CD163L1: variants seen among roughly 807,000 people sequenced by gnomAD.
CD163L1 encodes the protein CD163 molecule like 1.
CD163L1 carries 124 observed loss-of-function variants against 165.4 expected under a neutral mutation model. The observed-to-expected ratio is 0.75, with a 90% CI of 0.65 to 0.87. CD163L1 has a LOEUF of 0.87. CD163L1 is among the 40% of genes least tolerant of loss of function. The probability of loss-of-function intolerance (pLI) is 0.00; values close to 1 mark genes in which losing one functional copy is unlikely to be tolerated. For missense variants in CD163L1, 1,525 were observed against 1,799.9 expected, an observed-to-expected ratio of 0.85 and a Z score of 2.76; for synonymous variants, 585 against 662.2, an observed-to-expected ratio of 0.88 and a Z score of 1.79.
At chr12:7,324,541 G>T in the CD163L1 span, 1 of 1,613,970 alleles carries the variant, frequency 6.2e-7, no homozygotes, top group Non-Finnish European at 8.5e-7. Context: ...CACTCATTGA[G>T]CATCCAGCAG....
At position 7,369,045 on chromosome 12, in the gene CD163L1, CG is replaced by C; in HGVS notation, c.4040-81del. On this transcript the variant is annotated intron_variant, in intron 15 of 19. Transcript: ENST00000313599. This position sits in a 1 kb window ranked among gnomAD's most constrained non-coding sequence, Gnocchi z 4.9. Reference sequence around the variant, plus strand: ...TTCTTTTTACATCTCCTGCGATTATCGGATGTCATTTAAATATCCTTTTAAC... The same window carrying C: ...TTCTTTTTACATCTCCTGCGATTATCGATGTCATTTAAATATCCTTTTAAC... 7 of 1,426,062 alleles carry C rather than the reference CG, an allele frequency of 4.9e-6. No homozygotes were observed. The highest frequency in any genetic ancestry group is 1.9e-4 in the Middle Eastern group (1 of 5,388). 88.3% of individuals were successfully genotyped at this position (1,426,062 alleles called of 1,614,324 possible). A position where few individuals can be genotyped will look rare whatever the true frequency, so the allele number is the denominator to read the frequency against.
At chr12:7,402,336 ATATTTC>A (rs1230290103) in intron 6 of CD163L1, among the ~76,000 whole-genome samples, 1 of 152,086 alleles carries the variant, frequency 6.6e-6, no homozygotes, top group African/African-American at 2.4e-5. Context: ...TGCATTATTT[ATATTTC>A]TATCTTTCCA....
At position 7,406,722 on chromosome 12, in the gene CD163L1, TACG is replaced by T. The variant is rs759445488; in HGVS notation, c.894_896del (p.Val299del). 1.2e-6 allele frequency: 2 copies of T among 1,614,096 alleles called. No homozygotes were observed. Among genetic ancestry groups the T allele is most frequent in the South Asian group, 2.2e-5 (2 of 91,074 alleles). On this transcript the variant is annotated inframe_deletion, in exon 5 of 20. Transcript: ENST00000313599. ...CGGTTCCACATCCCAACTGCTTGCA[TACG>T]ACATCAGCTGCAGCATTGTTCCACT...
chr12:7,348,277 C>T (rs1433959227), intron 4 of CD163L1, among the ~76,000 whole-genome samples: 1 of 152,142 alleles, frequency 6.6e-6, no homozygotes, highest in African/African-American at 2.4e-5. Flanking sequence ...CACAACTGTT[C>T]ATTGGTGAGA....
the CD163L1 span, among the ~76,000 whole-genome samples, chr12:7,326,359 T>G: frequency 6.6e-6 from 1 of 152,174 alleles, no homozygotes; most frequent in Non-Finnish European, 1.5e-5. Flanking sequence ...TGTGCACAAC[T>G]GCACCCTGGT....
chr12:7,361,707 A>G (rs1946896238), intron 18 of CD163L1, among the ~76,000 whole-genome samples: 1 of 152,174 alleles, frequency 6.6e-6, no homozygotes. Flanking sequence ...AAAATTTACC[A>G]TCACGATCAC....
chr12:7,322,518 G>A, the CD163L1 span: 3 of 1,613,738 alleles, frequency 1.9e-6, no homozygotes, highest in Non-Finnish European at 2.5e-6. Flanking sequence ...GGAGCTATAT[G>A]AGGGCTATGG....
chr12:7,376,845 T>G (rs1288531357), intron 9 of CD163L1, among the ~76,000 whole-genome samples: 5 of 152,182 alleles, frequency 3.3e-5, no homozygotes, highest in Non-Finnish European at 7.4e-5. Context: ...CTATAATAGA[T>G]TCCTACAGAT....
In CD163L1 at chr12:7,372,514, T is replaced by C. The variant is rs934588647; in HGVS notation, c.3730+806A>G. On this transcript the variant is annotated intron_variant, in intron 14 of 19. Coordinates refer to ENST00000313599, the MANE Select transcript of CD163L1 (RefSeq NM_174941.6). This position sits in a 1 kb window ranked among gnomAD's most constrained non-coding sequence, Gnocchi z 4.2. ...TTATTTATGTTCACATGATAAAATATTGTATGCCATTTGAAGGCTATTCAT... is the reference window on the plus strand; with the variant it reads ...TTATTTATGTTCACATGATAAAATACTGTATGCCATTTGAAGGCTATTCAT... Among the ~76,000 whole-genome samples, 1 of 152,014 alleles carries C rather than the reference T, an allele frequency of 6.6e-6. No homozygotes were observed. Among genetic ancestry groups the C allele is most frequent in the African/African-American group, 2.4e-5 (1 of 41,426 alleles).
intron 14 of CD163L1, among the ~76,000 whole-genome samples, chr12:7,371,487 G>A (rs377227689): frequency 4.6e-4 from 70 of 152,018 alleles, no homozygotes; most frequent in African/African-American, 1.3e-3. Flanking sequence ...TAAAAAGAGC[G>A]CTAAATAAGA....
chr12:7,439,467 C>G, intron 2 of CD163L1: 1 of 1,582,980 alleles, frequency 6.3e-7, no homozygotes, highest in Non-Finnish European at 8.5e-7. Context: ...GCTTCCCGGC[C>G]TTTGCTTTTT....
In CD163L1 at chr12:7,433,938, G is replaced by A. The variant is rs1051591805; in HGVS notation, c.125-244C>T. 2.4e-4 allele frequency among the ~76,000 whole-genome samples: 36 copies of A among 152,146 alleles called. 1 individual carries two copies. The highest frequency in any genetic ancestry group is 1.9e-4 in the Non-Finnish European group (13 of 68,010). ...AATGTGAAAATTAAAAGAAGGGAAA[G>A]AATTTTTTCTTTCTATGCAATTCCC... is the stretch of plus-strand genomic sequence containing the variant. On this transcript the variant is annotated intron_variant, in intron 2 of 19. Transcript: ENST00000313599.
downstream of CD163L1, among the ~76,000 whole-genome samples, chr12:7,343,640 A>C (rs1054149072): frequency 1.3e-5 from 2 of 152,190 alleles, no homozygotes; most frequent in Admixed American, 6.5e-5. Flanking sequence ...CACTATCCTG[A>C]GGATAGCAGC....
chr12:7,364,621 CAGT>C (rs1946974302), intron 18 of CD163L1, among the ~76,000 whole-genome samples: 1 of 152,064 alleles, frequency 6.6e-6, no homozygotes, highest in South Asian at 2.1e-4. Context: ...ATATAAAAAT[CAGT>C]AGCATTTATA....
rs770018655 is a variant in CD163L1 at position 7,368,149 on chromosome 12, A to G, written c.4121T>C (p.Val1374Ala). ...LSSIFGLLLL[V>A]LFILFLTWCR... is the part of the protein sequence containing the mutation. ...CCACGTGAGAAATAGAATAAACAGA[A>G]CCAGGAGAAGGAGCCCAAAGATACT... Residue 1374 changes from valine to alanine, a missense_variant, in exon 17 of 20, where the codon GTT becomes GCT. Val to Ala is a moderately conservative substitution (Grantham distance 64, BLOSUM62 0). Transcript: ENST00000313599. The surrounding 1 kb of genome is among the most constrained non-coding windows in gnomAD (Gnocchi z 4.3). 5 of 1,612,916 alleles carry G rather than the reference A, an allele frequency of 3.1e-6. No homozygotes were observed. The Admixed American group carries it at 8.3e-5, about 27-fold the overall frequency.
chr12:7,354,320 G>A (rs1318376936), downstream of CD163L1, among the ~76,000 whole-genome samples: 6 of 151,798 alleles, frequency 4.0e-5, no homozygotes, highest in Non-Finnish European at 1.5e-5. Flanking sequence ...ATTCCTATAG[G>A]AACAACAATA....
chr12:7,441,198 G>C lies in CD163L1; in HGVS notation c.80C>G (p.Thr27Ser). The change falls in exon 2 of 20, where the codon ACT becomes AGT. Residue 27 changes from threonine (T) to serine (S), a missense_variant. By Grantham distance (58) the Thr-to-Ser change is moderately conservative. Coordinates refer to ENST00000313599, the MANE Select transcript of CD163L1 (RefSeq NM_174941.6). ...GCAGGAATTCAGGAGCAGGATGCAA[G>C]TTACCACAGCAGAGAAAAGGTTCTG... ...CHQNLFSAVV[T>S]CILLLNSCFL... 3 of 1,614,102 alleles carry C rather than the reference G, an allele frequency of 1.9e-6. No individual in the cohort carries two copies. Among genetic ancestry groups the C allele is most frequent in the Non-Finnish European group, 2.5e-6 (3 of 1,179,994 alleles).
Position 7,441,241 on chromosome 12 carries a change from C to G in CD163L1, c.37G>C (p.Gly13Arg), listed in dbSNP as rs1565822488. The change falls in exon 2 of 20, where the codon GGA (glycine) becomes CGA (arginine). Residue 13 changes from glycine to arginine, a missense_variant. Gly to Arg is a moderately radical substitution (Grantham distance 125, BLOSUM62 -2). Transcript: ENST00000313599. ...AGGTTCTGATGACAGCAGCATCTTCCAAAATCTGGAGAAACAAAATATAGC... is the reference window on the plus strand; with the variant it reads ...AGGTTCTGATGACAGCAGCATCTTCGAAAATCTGGAGAAACAAAATATAGC... ...LPQNSWHIDF[G>R]RCCCHQNLFS... 6.2e-7 allele frequency: 1 copy of G among 1,613,140 alleles called. No homozygotes were observed. The highest frequency in any genetic ancestry group is 1.1e-5 in the South Asian group (1 of 91,030).
Position 7,375,429 on chromosome 12 carries a change from T to A in CD163L1, c.2853A>T (p.Gly951=). The A allele has an allele frequency of 6.2e-7, 1 of 1,614,180 alleles. No homozygotes were observed. The highest frequency in any genetic ancestry group is 8.5e-7 in the Non-Finnish European group (1 of 1,180,032). ...LSCGTALSTT[G]GKYIGERSVR... The stretch of plus-strand genomic sequence containing the variant: ...CACTTCTTTCTCCAATATATTTTCC[T>A]CCTGTGGTTGAGAGAGCAGTCCCAC... Residue 951 remains glycine, a synonymous_variant, in exon 11 of 20, where the codon GGA becomes GGT. Transcript: ENST00000313599.
Sources: gnomAD v4.1 joint callset for allele counts (sites outside exome capture counted in the v4.1 genomes callset) on GRCh38, gnomAD v4.1.1 for gene constraint, Gnocchi (gnomAD v3.1) non-coding constraint, MANE v1.5 for transcripts, NCBI Gene and HGNC (gene_info 2026-07-23, HGNC 2026-07-21) for gene names.